The following TMEM135 variants were observed in gnomAD, a reference collection of about 807,000 sequenced individuals.
TMEM135 encodes transmembrane protein 135, also known as peroxisomal membrane protein 52.
Under a neutral mutation model 60.3 loss-of-function variants are expected in TMEM135, and 30 were observed. The ratio of observed to expected loss-of-function variants is 0.50; its 90% CI spans 0.37 to 0.68. The LOEUF is 0.68. Ranked by LOEUF, TMEM135 falls within the 30% of genes least tolerant of loss-of-function variation. TMEM135 has a pLI of 0.00. For missense variants in TMEM135, 468 were observed against 548.8 expected (o/e 0.85, Z 1.47); for synonymous variants, 190 against 186.7 (o/e 1.02, Z -0.14).
At chr11:87,058,928 A>C (rs1386848827) in intron 1 of TMEM135, among the ~76,000 whole-genome samples, 1 of 150,332 alleles carries the variant, frequency 6.7e-6, no homozygotes, top group Non-Finnish European at 1.5e-5. Context: ...TTTTAATTTT[A>C]ATTTTAATTT....
intron 1 of TMEM135, among the ~76,000 whole-genome samples, chr11:87,045,867 T>C (rs146951517): frequency 1.6e-3 from 240 of 152,348 alleles, no homozygotes; most frequent in Non-Finnish European, 1.9e-3. Flanking sequence ...TATTGAAATA[T>C]TTGTCCCCTA....
chr11:87,302,586 A>G, intron 8 of TMEM135, 144 bp downstream of exon 8: 1 of 997,068 alleles, frequency 1.0e-6, no homozygotes, highest in Non-Finnish European at 1.5e-6. Context: ...TATAAAAGGC[A>G]CACAATGGCA....
chr11:87,273,579 C>G (rs749744691), intron 6 of TMEM135, among the ~76,000 whole-genome samples: 23 of 152,104 alleles, frequency 1.5e-4, no homozygotes, highest in Non-Finnish European at 3.1e-4. Flanking sequence ...TTTGTAAAAA[C>G]TGAACTAATA....
intron 6 of TMEM135, among the ~76,000 whole-genome samples, chr11:87,246,231 C>A (rs10160648): frequency 0.65 from 93,830 of 143,902 alleles, 31,352 homozygotes; most frequent in Non-Finnish European, 0.71. Context: ...GCTGTTAGTC[C>A]AATGGGCTTC....
At chr11:87,105,668 A>G (rs144946905) in intron 4 of TMEM135, among the ~76,000 whole-genome samples, 1 of 152,362 alleles carries the variant, frequency 6.6e-6, no homozygotes, top group East Asian at 1.9e-4. Flanking sequence ...TACATGTAAT[A>G]TTTTGATACA....
At chr11:87,159,241 G>C (rs1358133952) in intron 5 of TMEM135, among the ~76,000 whole-genome samples, 11 of 152,118 alleles carry the variant, frequency 7.2e-5, no homozygotes, top group Admixed American at 7.2e-4. Context: ...GAGGTTAAAA[G>C]TGTAAGATGT....
chr11:87,038,074 A>T lies in TMEM135; in HGVS notation c.29A>T (p.His10Leu). Residue 10 changes from histidine (H) to leucine (L), a missense_variant, in exon 1 of 15, where the codon CAT becomes CTT. By Grantham distance (99) the His-to-Leu change is moderately conservative (BLOSUM62 -3). Coordinates refer to ENST00000305494, the MANE Select transcript of TMEM135 (RefSeq NM_022918.4). The stretch of plus-strand genomic sequence containing the variant: ...GCGGCCCTCAGCAAGTCCATCCCTC[A>T]TAACTGCTATGAGATCGGCCACACT... MAALSKSIP[H>L]NCYEIGHTWH... 7 of 1,613,926 alleles carry T rather than the reference A, an allele frequency of 4.3e-6. No individual in the cohort carries two copies. The highest frequency in any genetic ancestry group is 5.9e-6 in the Non-Finnish European group (7 of 1,179,958).
At chr11:87,152,628 C>T (rs530568796) in intron 4 of TMEM135, among the ~76,000 whole-genome samples, 12 of 152,094 alleles carry the variant, frequency 7.9e-5, no homozygotes, top group East Asian at 1.9e-4. Context: ...TTAGTAGAGA[C>T]GGGTTTCGCC....
intron 6 of TMEM135, among the ~76,000 whole-genome samples, chr11:87,289,131 G>C (rs535966780): frequency 1.3e-5 from 2 of 152,278 alleles, no homozygotes; most frequent in African/African-American, 4.8e-5. Context: ...CTTCTTCTGA[G>C]ACCACATTTT....
At chr11:87,117,279 G>A (rs796422913) in intron 4 of TMEM135, among the ~76,000 whole-genome samples, 22 of 152,264 alleles carry the variant, frequency 1.4e-4, no homozygotes, top group African/African-American at 5.3e-4. Flanking sequence ...CTGAAGGTTG[G>A]CATGACTGTG....
intron 4 of TMEM135, among the ~76,000 whole-genome samples, chr11:87,129,790 C>G (rs1937865453): frequency 6.6e-6 from 1 of 152,088 alleles, no homozygotes; most frequent in Admixed American, 6.6e-5. Context: ...ATCTGCCCTC[C>G]TTAGCCTCCG....
chr11:87,253,631 CCATATATA>C (rs1941465090), intron 6 of TMEM135, among the ~76,000 whole-genome samples: 1 of 14,580 alleles, frequency 6.9e-5, no homozygotes. Flanking sequence ...AAAGGATGAG[CCATATATA>C]TATATATATA....
chr11:87,041,067 A>C (rs1949746286), intron 1 of TMEM135, among the ~76,000 whole-genome samples: 5 of 152,268 alleles, frequency 3.3e-5, no homozygotes, highest in Admixed American at 3.3e-4. Flanking sequence ...AGCAATGAAT[A>C]CATTGTCTAT....
intron 4 of TMEM135, among the ~76,000 whole-genome samples, chr11:87,135,679 T>A (rs189193465): frequency 1.3e-4 from 20 of 152,116 alleles, no homozygotes; most frequent in Admixed American, 3.9e-4. Flanking sequence ...AGTATTAGTC[T>A]TCCAATTATA....
In TMEM135 at chr11:87,157,388, A is replaced by G; in HGVS notation, c.444A>G (p.Thr148=). Residue 148 remains threonine, a synonymous_variant, in exon 5 of 15, where the codon ACA becomes ACG. Transcript: ENST00000305494. Reference sequence around the variant, plus strand: ...TGGGTGTAGCAAGAGGAACCATCACAACATTAAGAAATGGAGAAGTAAGAT... The same window carrying G: ...TGGGTGTAGCAAGAGGAACCATCACGACATTAAGAAATGGAGAAGTAAGAT... ...FRMGVARGTI[T]TLRNGEVLLF... 1 of 1,613,368 alleles carries G rather than the reference A, an allele frequency of 6.2e-7. No homozygotes were observed. Among genetic ancestry groups the G allele is most frequent in the Non-Finnish European group, 8.5e-7 (1 of 1,179,574 alleles).
chr11:87,284,952 G>A (rs1431454117), intron 6 of TMEM135, among the ~76,000 whole-genome samples: 2 of 152,248 alleles, frequency 1.3e-5, no homozygotes, highest in East Asian at 1.9e-4. Context: ...CCTTTTGTAT[G>A]TATATAAGCC....
chr11:87,091,337 A>G (rs374464759), intron 3 of TMEM135, 25 bp from the exon 4 acceptor site: 105 of 1,604,366 alleles, frequency 6.5e-5, no homozygotes, highest in Non-Finnish European at 8.5e-5. Flanking sequence ...GAAGTTTAAT[A>G]TCTTCCTTTT....
intron 5 of TMEM135, among the ~76,000 whole-genome samples, chr11:87,164,712 C>T (rs1938991558): frequency 1.3e-5 from 1 of 77,306 alleles, no homozygotes; most frequent in African/African-American, 6.9e-5. Context: ...TCTTTTATTT[C>T]CTTGAGCAGT....
At chr11:87,064,839 C>G (rs747631349) in intron 1 of TMEM135, among the ~76,000 whole-genome samples, 2 of 152,114 alleles carry the variant, frequency 1.3e-5, no homozygotes, top group Non-Finnish European at 2.9e-5. Context: ...GAGTTGAGAT[C>G]ATGCCATTGC....
Sources: allele counts gnomAD v4.1 joint callset (sites outside exome capture counted in the v4.1 genomes callset), GRCh38; gene constraint gnomAD v4.1.1; transcripts MANE v1.5; gene names NCBI Gene and HGNC (gene_info 2026-07-23, HGNC 2026-07-21).